The following DCC variants were observed in gnomAD, a reference collection of about 807,000 sequenced individuals.
The protein encoded by DCC is netrin receptor DCC.
Under a neutral mutation model 172.5 loss-of-function variants are expected in DCC, and 58 were observed. The observed-to-expected ratio is 0.34, with a 90% CI of 0.27 to 0.42. The LOEUF (loss-of-function observed/expected upper bound fraction) is 0.42. Ranked by LOEUF, DCC falls within the 10% of genes least tolerant of loss-of-function variation. The pLI is 1.00. For synonymous variants in DCC, 709 were observed against 644.5 expected (o/e 1.10, Z -1.52); for missense variants, 1,740 against 1,791.0 (o/e 0.97, Z 0.51).
Position 52,958,437 on chromosome 18 carries a change from T to C in DCC, c.985+33067T>C, listed in dbSNP as rs180702382. Among the ~76,000 whole-genome samples the C allele has an allele frequency of 6.6e-5, 10 of 152,278 alleles. No individual in the cohort carries two copies. The East Asian group carries it at 1.9e-3, about 29-fold the overall frequency. On this transcript the variant is annotated intron_variant, in intron 5 of 28. Transcript: ENST00000442544. The stretch of plus-strand genomic sequence containing the variant: ...GAAGCCTAAAGTGGGGAAATTATCC[T>C]CATAAAGCAGAATAAAAAATAGCTT...
At chr18:52,430,667 G>A (rs553251109) in intron 1 of DCC, among the ~76,000 whole-genome samples, 3 of 152,272 alleles carry the variant, frequency 2.0e-5, no homozygotes, top group East Asian at 1.9e-4. Flanking sequence ...CAAAACCGCT[G>A]TGGAATAAGC....
intron 1 of DCC, among the ~76,000 whole-genome samples, chr18:52,700,365 A>ACACG (rs2036101802): frequency 6.7e-6 from 1 of 149,148 alleles, no homozygotes; most frequent in Middle Eastern, 3.4e-3. Context: ...ATGCACACAC[A>ACACG]CACATGCACA....
intron 3 of DCC, among the ~76,000 whole-genome samples, chr18:52,913,128 G>T (rs1215125651): frequency 6.6e-6 from 1 of 152,006 alleles, no homozygotes; most frequent in Non-Finnish European, 1.5e-5. Flanking sequence ...TGGTAACTAG[G>T]GCTAGGCAGA....
At chr18:52,869,982 T>G (rs1372609035) in intron 2 of DCC, among the ~76,000 whole-genome samples, 1 of 152,104 alleles carries the variant, frequency 6.6e-6, no homozygotes, top group Non-Finnish European at 1.5e-5. Context: ...CCTCTCAGCC[T>G]GGGGTGGGGG....
At chr18:52,604,277 C>A (rs1399798141) in intron 1 of DCC, among the ~76,000 whole-genome samples, 1 of 152,086 alleles carries the variant, frequency 6.6e-6, no homozygotes, top group Admixed American at 6.6e-5. Context: ...TTCTGTCAGT[C>A]CCATCTCAAT....
intron 27 of DCC, among the ~76,000 whole-genome samples, chr18:53,512,980 G>A (rs536171249): frequency 3.9e-5 from 6 of 152,130 alleles, no homozygotes; most frequent in African/African-American, 7.2e-5. Context: ...GATACTCCTC[G>A]AGAAGAGCAA....
chr18:53,114,676 T>C (rs1183472263), intron 7 of DCC, among the ~76,000 whole-genome samples: 2 of 151,546 alleles, frequency 1.3e-5, no homozygotes, highest in African/African-American at 2.4e-5. Flanking sequence ...GTTATTGACA[T>C]GCAGATCAGC....
intron 8 of DCC, among the ~76,000 whole-genome samples, chr18:53,176,399 A>G (rs1208536642): frequency 2.8e-5 from 4 of 144,704 alleles, no homozygotes; most frequent in Non-Finnish European, 6.1e-5. Flanking sequence ...GCAACCTACA[A>G]AATGGGAGAA....
intron 1 of DCC, among the ~76,000 whole-genome samples, chr18:52,603,548 T>TA (rs1248184481): frequency 2.6e-5 from 4 of 151,156 alleles, no homozygotes; most frequent in Non-Finnish European, 5.9e-5. Context: ...GATTATTTTT[T>TA]AAAAAAATAA....
chr18:53,259,628 G>C (rs530536549), intron 12 of DCC, among the ~76,000 whole-genome samples: 73 of 151,438 alleles, frequency 4.8e-4, no homozygotes, highest in East Asian at 4.2e-3. Context: ...ACCTTTCTCT[G>C]TGGCTGCCCT....
chr18:52,351,827 T>C (rs72914981), intron 1 of DCC, among the ~76,000 whole-genome samples: 1 of 152,302 alleles, frequency 6.6e-6, no homozygotes, highest in Non-Finnish European at 1.5e-5. Context: ...CATAAACGAA[T>C]GTTCTCTTTG....
chr18:53,337,456 A>AT (rs1182656899), intron 14 of DCC, among the ~76,000 whole-genome samples: 1 of 152,166 alleles, frequency 6.6e-6, no homozygotes, highest in Non-Finnish European at 1.5e-5. Flanking sequence ...CATCCTTTTC[A>AT]TCTCTTTTAT....
At chr18:52,773,446 T>C (rs978441281) in intron 2 of DCC, among the ~76,000 whole-genome samples, 4 of 152,208 alleles carry the variant, frequency 2.6e-5, no homozygotes, top group African/African-American at 9.6e-5. Context: ...ACTGTGGGCA[T>C]TGATATAAAA....
At chr18:52,623,540 A>G (rs912111513) in intron 1 of DCC, among the ~76,000 whole-genome samples, 1 of 152,180 alleles carries the variant, frequency 6.6e-6, no homozygotes, top group Non-Finnish European at 1.5e-5. Flanking sequence ...TGTTCTTCCA[A>G]CAAGGAGCAG....
chr18:53,263,341 A>G (rs554235216), intron 12 of DCC, among the ~76,000 whole-genome samples: 105 of 152,150 alleles, frequency 6.9e-4, no homozygotes, highest in Non-Finnish European at 1.3e-3. Context: ...TAGTAGAGAC[A>G]GGGTTTTGCT....
intron 1 of DCC, among the ~76,000 whole-genome samples, chr18:52,723,874 A>C (rs2036511413): frequency 1.3e-5 from 2 of 152,186 alleles, no homozygotes; most frequent in African/African-American, 4.8e-5. Context: ...AGGCATCCTA[A>C]GTGCTTGATC....
intron 1 of DCC, among the ~76,000 whole-genome samples, chr18:52,641,546 G>A (rs2034891146): frequency 6.6e-6 from 1 of 151,866 alleles, no homozygotes; most frequent in Admixed American, 6.6e-5. Flanking sequence ...ATCAAAAAGT[G>A]GGTTAAAGAC....
At chr18:53,086,925 A>G (rs2042922006) in intron 7 of DCC, among the ~76,000 whole-genome samples, 1 of 151,760 alleles carries the variant, frequency 6.6e-6, no homozygotes, top group Admixed American at 6.6e-5. Flanking sequence ...TACAAAGGAC[A>G]TGAACTCATC....
intron 1 of DCC, among the ~76,000 whole-genome samples, chr18:52,622,540 C>G (rs1337295593): frequency 6.6e-6 from 1 of 151,918 alleles, no homozygotes; most frequent in Non-Finnish European, 1.5e-5. Context: ...GGCACCAGCC[C>G]AGGGGTTCAT....
Sources: gnomAD v4.1 joint callset for allele counts (sites outside exome capture counted in the v4.1 genomes callset) on GRCh38, gnomAD v4.1.1 for gene constraint, MANE v1.5 for transcripts, NCBI Gene and HGNC (gene_info 2026-07-23, HGNC 2026-07-21) for gene names.